MYRIP: variants seen among roughly 807,000 people sequenced by gnomAD.
MYRIP encodes the protein myosin VIIA and Rab interacting protein.
Under a neutral mutation model 98.0 loss-of-function variants are expected in MYRIP, and 49 were observed. The observed-to-expected ratio is 0.50, with a 90% CI of 0.40 to 0.63. The LOEUF is 0.63. MYRIP is among the 30% of genes least tolerant of loss of function. MYRIP has a pLI of 0.00. For synonymous variants in MYRIP, 404 were observed against 409.5 expected (o/e 0.99, Z 0.16); for missense variants, 1,004 against 1,058.2 (o/e 0.95, Z 0.71).
At position 39,917,447 on chromosome 3, in the gene MYRIP, T is replaced by TA. The variant is rs1384834103; in HGVS notation, c.110+16529dup. On this transcript the variant is annotated intron_variant, in intron 2 of 16. Coordinates refer to ENST00000302541, the MANE Select transcript of MYRIP (RefSeq NM_015460.4). ...AGGATGCTTTCTTTGAAAGAAAATTTAAAAAAAATAAAAAAATAGGAAAAT... is the reference window on the plus strand; with the variant it reads ...AGGATGCTTTCTTTGAAAGAAAATTTAAAAAAAAATAAAAAAATAGGAAAAT... Among the ~76,000 whole-genome samples the TA allele has an allele frequency of 8.8e-4, 106 of 120,466 alleles. 1 individual carries two copies. The highest frequency in any genetic ancestry group is 3.9e-3 in the Middle Eastern group (1 of 254). The allele number at this position is 120,466 out of a possible 152,430, so 79.0% of individuals were successfully genotyped here.
chr3:40,020,299 A>G (rs372606141), intron 2 of MYRIP, among the ~76,000 whole-genome samples: 3 of 131,502 alleles, frequency 2.3e-5, no homozygotes, highest in African/African-American at 8.1e-5. Flanking sequence ...ATTTATTCTT[A>G]CCAATTATTA....
chr3:40,179,481 C>T (rs1028706923), intron 8 of MYRIP, among the ~76,000 whole-genome samples: 1 of 152,206 alleles, frequency 6.6e-6, no homozygotes, highest in Non-Finnish European at 1.5e-5. Flanking sequence ...ACCACATATA[C>T]ACACAAGTCT....
At chr3:40,257,702 A>AT (rs946771091) in intron 16 of MYRIP, among the ~76,000 whole-genome samples, 4 of 152,258 alleles carry the variant, frequency 2.6e-5, no homozygotes, top group African/African-American at 9.6e-5. Context: ...AATTACAAAG[A>AT]TTTTCCTCCC....
At chr3:39,876,627 C>T (rs979586946) in intron 1 of MYRIP, among the ~76,000 whole-genome samples, 3 of 151,666 alleles carry the variant, frequency 2.0e-5, no homozygotes, top group Non-Finnish European at 4.4e-5. Context: ...ATATGAAATT[C>T]TGGTTTGAAA....
At chr3:40,024,779 G>T (rs1947085053) in intron 2 of MYRIP, among the ~76,000 whole-genome samples, 1 of 152,102 alleles carries the variant, frequency 6.6e-6, no homozygotes, top group Non-Finnish European at 1.5e-5. Context: ...GTCAGGAGTG[G>T]ATGTGCCTGA....
At chr3:39,943,147 C>A (rs1026806143) in intron 2 of MYRIP, among the ~76,000 whole-genome samples, 5 of 152,114 alleles carry the variant, frequency 3.3e-5, no homozygotes, top group African/African-American at 1.2e-4. Flanking sequence ...TCTTAATGAT[C>A]TACAAATTTT....
intron 1 of MYRIP, among the ~76,000 whole-genome samples, chr3:39,885,546 C>T (rs1943272147): frequency 6.6e-6 from 1 of 152,104 alleles, no homozygotes; most frequent in Non-Finnish European, 1.5e-5. Flanking sequence ...GTTGGCCTGC[C>T]TTGCTAGATT....
intron 12 of MYRIP, among the ~76,000 whole-genome samples, chr3:40,240,715 A>T (rs1952983177): frequency 6.6e-6 from 1 of 152,154 alleles, no homozygotes; most frequent in African/African-American, 2.4e-5. Context: ...ACAACCTAGG[A>T]CTAATCCCAC....
At chr3:39,995,419 C>T (rs1368314998) in intron 2 of MYRIP, among the ~76,000 whole-genome samples, 1 of 152,062 alleles carries the variant, frequency 6.6e-6, no homozygotes, top group African/African-American at 2.4e-5. Flanking sequence ...ATTCGATCAA[C>T]TGGAAGAAAG....
chr3:40,216,483 A>G (rs565443808), intron 11 of MYRIP, among the ~76,000 whole-genome samples: 1 of 152,340 alleles, frequency 6.6e-6, no homozygotes, highest in African/African-American at 2.4e-5. Context: ...CGTTTCTCCT[A>G]TAAACGGAAA....
intron 11 of MYRIP, among the ~76,000 whole-genome samples, chr3:40,222,300 T>G (rs1410958064): frequency 6.6e-6 from 1 of 152,158 alleles, no homozygotes; most frequent in African/African-American, 2.4e-5. Context: ...ACTTGTCAGA[T>G]TGTTGCTATG....
chr3:39,866,463 C>A (rs539788045), intron 1 of MYRIP, among the ~76,000 whole-genome samples: 11 of 152,168 alleles, frequency 7.2e-5, no homozygotes, highest in African/African-American at 2.7e-4. Flanking sequence ...ACAATCACAT[C>A]AAAAATAATA....
At position 39,865,620 on chromosome 3, in the gene MYRIP, A is replaced by G. The variant is rs1942597325; in HGVS notation, c.-30-35167A>G. 4.6e-5 allele frequency among the ~76,000 whole-genome samples: 7 copies of G among 152,342 alleles called. No homozygotes were observed. In the South Asian group the frequency reaches 1.0e-3, roughly 23 times the overall value. On this transcript the variant is annotated intron_variant, in intron 1 of 16. Transcript: ENST00000302541. Reference sequence around the variant, plus strand: ...TAGAGAAATGCACATCAAAACTGCAATGAGATACCATCTCACACCAGTCAG... The same window carrying G: ...TAGAGAAATGCACATCAAAACTGCAGTGAGATACCATCTCACACCAGTCAG...
chr3:39,909,809 T>C (rs577076134), intron 2 of MYRIP, among the ~76,000 whole-genome samples: 1 of 152,292 alleles, frequency 6.6e-6, no homozygotes, highest in South Asian at 2.1e-4. Flanking sequence ...CTGTTACTAA[T>C]AGCATTGAAT....
chr3:39,931,761 T>C (rs1381680800), intron 2 of MYRIP, among the ~76,000 whole-genome samples: 1 of 152,224 alleles, frequency 6.6e-6, no homozygotes, highest in Non-Finnish European at 1.5e-5. Flanking sequence ...TCTATTGACA[T>C]GACCATATGG....
chr3:40,036,324 A>AAAACAAAAC (rs1553607293), intron 2 of MYRIP, among the ~76,000 whole-genome samples: 4 of 125,648 alleles, frequency 3.2e-5, no homozygotes, highest in African/African-American at 5.8e-5. Context: ...AAAAAAAAAA[A>AAAACAAAAC]CTTTATTCAA....
intron 2 of MYRIP, among the ~76,000 whole-genome samples, chr3:39,912,596 T>C (rs1944048126): frequency 6.6e-6 from 1 of 152,236 alleles, no homozygotes; most frequent in African/African-American, 2.4e-5. Context: ...TTATTCCCTG[T>C]ACAACCCCAT....
At position 40,065,252 on chromosome 3, in the gene MYRIP, T is replaced by C. The variant is rs1440852601; in HGVS notation, c.332+20981T>C. Reference sequence around the variant, plus strand: ...GTGTGTCTCTGTCTTCCTACGGCCTTTGACCATCTTCTTATAATGACACCC... The same window carrying C: ...GTGTGTCTCTGTCTTCCTACGGCCTCTGACCATCTTCTTATAATGACACCC... On this transcript the variant is annotated intron_variant, in intron 3 of 16. Coordinates refer to ENST00000302541, the MANE Select transcript of MYRIP (RefSeq NM_015460.4). Among the ~76,000 whole-genome samples the C allele has an allele frequency of 2.0e-5, 3 of 152,160 alleles. No individual in the cohort carries two copies. The East Asian group carries it at 5.8e-4, about 29-fold the overall frequency.
chr3:39,886,251 C>T (rs1445457817), intron 1 of MYRIP, among the ~76,000 whole-genome samples: 1 of 151,326 alleles, frequency 6.6e-6, no homozygotes, highest in Admixed American at 6.6e-5. Flanking sequence ...AATATAAAGA[C>T]CATCGAGACT....
Sources: gnomAD v4.1 joint callset for allele counts (sites outside exome capture counted in the v4.1 genomes callset) on GRCh38, gnomAD v4.1.1 for gene constraint, MANE v1.5 for transcripts, NCBI Gene and HGNC (gene_info 2026-07-23, HGNC 2026-07-21) for gene names.